The following MAU2 variants were observed in gnomAD, a reference collection of about 807,000 sequenced individuals.
MAU2 encodes MAU2 sister chromatid cohesion factor.
A neutral mutation model predicts 89.1 loss-of-function variants in MAU2; 9 were observed. The observed-to-expected ratio is 0.10, with a 90% CI of 0.06 to 0.18. The LOEUF (loss-of-function observed/expected upper bound fraction) is 0.18. MAU2 is among the 10% of genes least tolerant of loss of function. MAU2 has a pLI of 1.00. For missense variants in MAU2, 425 were observed against 803.5 expected (o/e 0.53, Z 5.69); for synonymous variants, 357 against 343.4 (o/e 1.04, Z -0.44).
In MAU2 at chr19:19,347,612, A is replaced by G. The variant is rs923380557; in HGVS notation, c.1308+246A>G. On this transcript the variant is annotated intron_variant, in intron 13 of 18. Coordinates refer to ENST00000262815, the MANE Select transcript of MAU2 (RefSeq NM_015329.4). ...AGAACACTTCTCTTTATCACAAACA[A>G]ACCAAGCTGTATGAATCACACAGAC... 1.5e-5 allele frequency: 7 copies of G among 458,936 alleles called. No individual in the cohort carries two copies. In the East Asian group the frequency reaches 2.6e-4, roughly 17 times the overall value. 28.4% of individuals were successfully genotyped at this position (458,936 alleles called of 1,614,324 possible).
rs376077590 is a variant in MAU2 at position 19,355,826 on chromosome 19, C to T, written c.*44C>T. The T allele has an allele frequency of 2.6e-5, 41 of 1,549,634 alleles. No homozygotes were observed. Among genetic ancestry groups the T allele is most frequent in the Middle Eastern group, 1.7e-4 (1 of 5,978 alleles). On this transcript the variant is annotated 3_prime_UTR_variant, in exon 19 of 19. Transcript: ENST00000262815. ...CAGCTCCGCAGGGCCTGCGCGTCTC[C>T]GGCTTCCACCCAGACGGCACTCAAG...
At chr19:19,347,535 G>A (rs2061703412) in intron 13 of MAU2, 169 bp downstream of exon 13, 4 of 590,224 alleles carry the variant, frequency 6.8e-6, no homozygotes, top group African/African-American at 1.9e-5. Flanking sequence ...GAGGTGAATC[G>A]GGCTATGGCC....
At chr19:19,350,157 G>A (rs1234062121) in intron 16 of MAU2, among the ~76,000 whole-genome samples, 6 of 151,310 alleles carry the variant, frequency 4.0e-5, no homozygotes, top group African/African-American at 1.2e-4. Context: ...TTAGTGGGGC[G>A]TGGTGGTGGA....
chr19:19,357,506 C>G lies in MAU2; in HGVS notation c.*1724C>G, dbSNP rs10422298. ...TCTCCACAATGTGCTCCTGCCCACC[C>G]GGGTTCCGCACTGTCCGACCCCTGC... On this transcript the variant is annotated 3_prime_UTR_variant, in exon 19 of 19. Transcript: ENST00000262815. 6 of 153,148 alleles carry G rather than the reference C, an allele frequency of 3.9e-5. No individual in the cohort carries two copies. Among genetic ancestry groups the G allele is most frequent in the Non-Finnish European group, 7.3e-5 (5 of 68,114 alleles). 9.5% of individuals were successfully genotyped at this position (153,148 alleles called of 1,614,324 possible).
chr19:19,343,707 C>G, intron 9 of MAU2, 130 bp from the exon 10 acceptor site: 1 of 709,914 alleles, frequency 1.4e-6, no homozygotes, highest in Non-Finnish European at 2.6e-6. Context: ...GCAGTGGGGA[C>G]TAGGGGAGAT....
rs111910004 is a variant in MAU2 at position 19,345,894 on chromosome 19, G to A, written c.1221+525G>A. 6.4e-3 allele frequency among the ~76,000 whole-genome samples: 969 copies of A among 152,292 alleles called. 4 individuals are homozygous for A. Among genetic ancestry groups the A allele is most frequent in the Non-Finnish European group, 9.9e-3 (672 of 67,994 alleles). ...AAGAAGGCTGGTGCCACATCCTCAC[G>A]GAGCGCCCCAGCCCAGGGCTGGACC... is the stretch of plus-strand genomic sequence containing the variant. On this transcript the variant is annotated intron_variant, in intron 12 of 18. Coordinates refer to ENST00000262815, the MANE Select transcript of MAU2 (RefSeq NM_015329.4). The surrounding 1 kb of genome is among the most constrained non-coding windows in gnomAD (Gnocchi z 4.9).
chr19:19,328,159 CAA>C (rs946417731), intron 1 of MAU2, among the ~76,000 whole-genome samples: 89 of 88,992 alleles, frequency 1.0e-3, no homozygotes, highest in Admixed American at 1.6e-3. Context: ...GACCCTGTCT[CAA>C]AAAAAAAAAA....
Position 19,356,210 on chromosome 19 carries a change from C to T in MAU2, c.*428C>T, listed in dbSNP as rs2048177228. The T allele has an allele frequency of 2.7e-6, 1 of 363,852 alleles. No homozygotes were observed. Among genetic ancestry groups the T allele is most frequent in the Admixed American group, 3.6e-5 (1 of 27,694 alleles). 22.5% of individuals were successfully genotyped at this position (363,852 alleles called of 1,614,324 possible). A position where few individuals can be genotyped will look rare whatever the true frequency, so the allele number is the denominator to read the frequency against. ...GAGCGGGAGTAGAGTGTTTCCTCTGCTCAAGGCAATTTCCAGAGCCCGGAT... is the reference window on the plus strand; with the variant it reads ...GAGCGGGAGTAGAGTGTTTCCTCTGTTCAAGGCAATTTCCAGAGCCCGGAT... On this transcript the variant is annotated 3_prime_UTR_variant, in exon 19 of 19. Transcript: ENST00000262815.
intron 14 of MAU2, 30 bp downstream of exon 14, chr19:19,348,968 C>T (rs528800634): frequency 2.7e-5 from 43 of 1,609,696 alleles, no homozygotes; most frequent in East Asian, 4.5e-5. Context: ...ACTCCACGCA[C>T]GGCCTAGGCT....
intron 1 of MAU2, among the ~76,000 whole-genome samples, chr19:19,322,262 T>C (rs2061466239): frequency 6.6e-6 from 1 of 152,172 alleles, no homozygotes; most frequent in Non-Finnish European, 1.5e-5. Context: ...CCTCCCACAG[T>C]GCTGGGATTA....
intron 13 of MAU2, chr19:19,348,507 TC>T (rs2061713810): frequency 5.0e-6 from 2 of 401,028 alleles, no homozygotes; most frequent in Non-Finnish European, 9.3e-6. Context: ...CATCAGAGCC[TC>T]CCGGGGTCCC....
chr19:19,351,928 A>G (rs1295880479), intron 16 of MAU2, among the ~76,000 whole-genome samples: 4 of 137,510 alleles, frequency 2.9e-5, no homozygotes, highest in Admixed American at 7.8e-5. Flanking sequence ...GGCTCACTGC[A>G]ACCTCTACCT....
chr19:19,355,437 C>G, intron 18 of MAU2, 46 bp downstream of exon 18: 1 of 1,604,310 alleles, frequency 6.2e-7, no homozygotes, highest in Non-Finnish European at 8.5e-7. Context: ...TAGCGGGCTC[C>G]CCACCTGCAA....
intron 10 of MAU2, chr19:19,344,377 A>G (rs562987561): frequency 8.6e-6 from 2 of 231,294 alleles, no homozygotes; most frequent in Non-Finnish European, 1.7e-5. Context: ...GCACTACTGC[A>G]CTCCAACCTG....
At chr19:19,325,298 C>T (rs548270417) in intron 1 of MAU2, among the ~76,000 whole-genome samples, 198 of 152,236 alleles carry the variant, frequency 1.3e-3, no homozygotes, top group Non-Finnish European at 2.3e-3. Context: ...GCCTCAGCCT[C>T]CCAAGCAGCT....
chr19:19,327,418 T>C (rs2061520554), intron 1 of MAU2, among the ~76,000 whole-genome samples: 4 of 151,880 alleles, frequency 2.6e-5, no homozygotes, highest in Admixed American at 2.6e-4. Flanking sequence ...CTCCGCCTCC[T>C]GGGTTCATGC....
At chr19:19,328,768 G>T (rs995676552) in intron 1 of MAU2, among the ~76,000 whole-genome samples, 4 of 152,072 alleles carry the variant, frequency 2.6e-5, no homozygotes, top group Non-Finnish European at 5.9e-5. Context: ...TTATCCCTTG[G>T]CCTGGGAAGT....
intron 1 of MAU2, chr19:19,334,427 C>G (rs182882227): frequency 1.0e-6 from 1 of 985,632 alleles, no homozygotes; most frequent in African/African-American, 1.7e-5. Flanking sequence ...CGATGCAGCT[C>G]TGTGCTTTCC....
At chr19:19,349,754 C>T (rs2061725975) in intron 16 of MAU2, among the ~76,000 whole-genome samples, 1 of 152,172 alleles carries the variant, frequency 6.6e-6, no homozygotes, top group Admixed American at 6.5e-5. Context: ...GACGCAGCCA[C>T]CCCATGCTAT....
Sources: gnomAD v4.1 joint callset for allele counts (sites outside exome capture counted in the v4.1 genomes callset) on GRCh38, gnomAD v4.1.1 for gene constraint, Gnocchi (gnomAD v3.1) non-coding constraint, MANE v1.5 for transcripts, NCBI Gene and HGNC (gene_info 2026-07-23, HGNC 2026-07-21) for gene names.